The following TSPAN3 variants were observed in gnomAD, a reference collection of about 807,000 sequenced individuals.
The protein encoded by TSPAN3 is tetraspanin-3.
Under a neutral mutation model 31.1 loss-of-function variants are expected in TSPAN3, and 9 were observed. The observed-to-expected ratio is 0.29, with a 90% CI of 0.17 to 0.50. The LOEUF (loss-of-function observed/expected upper bound fraction) is 0.50, where lower values mean the gene tolerates loss of function less well. Among genes scored for constraint, TSPAN3 ranks in the 20% least tolerant of loss-of-function variants. TSPAN3 has a pLI of 0.98. For synonymous variants in TSPAN3, 129 were observed against 114.3 expected, an observed-to-expected ratio of 1.13 and a Z score of -0.82; for missense variants, 252 against 313.5, an observed-to-expected ratio of 0.80 and a Z score of 1.48.
At position 77,054,238 on chromosome 15, in the gene TSPAN3, C is replaced by T; in HGVS notation, c.372G>A (p.Lys124=). 1 of 1,613,838 alleles carries T rather than the reference C, an allele frequency of 6.2e-7. No individual in the cohort carries two copies. Among genetic ancestry groups the T allele is most frequent in the Non-Finnish European group, 8.5e-7 (1 of 1,179,822 alleles). ...CATCAGGGTTGGTTCCATTGTAGGT[C>T]TTATACACTTTCTGAATGCTGCGAT... is the stretch of plus-strand genomic sequence containing the variant. The part of the protein sequence containing the change: ...EVDRSIQKVY[K]TYNGTNPDAA... The change falls in exon 4 of 7, where the codon AAG becomes AAA. Residue 124 remains lysine, a synonymous_variant. Transcript: ENST00000267970.
chr15:77,046,601 A>C lies in TSPAN3; in HGVS notation c.*234T>G, dbSNP rs2076692880. ...ACTCGCAATTGGTTCTGAAATTAGA[A>C]CGTTCACCATCGTACTTAAAATCTT... On this transcript the variant is annotated 3_prime_UTR_variant, in exon 7 of 7. Coordinates refer to ENST00000267970, the MANE Select transcript of TSPAN3 (RefSeq NM_005724.6). The C allele has an allele frequency of 1.9e-6, 1 of 537,428 alleles. No homozygotes were observed. The highest frequency in any genetic ancestry group is 1.9e-5 in the African/African-American group (1 of 52,780). The allele number at this position is 537,428 out of a possible 1,614,324, so 33.3% of individuals were successfully genotyped here.
intron 2 of TSPAN3, 57 bp downstream of exon 2, chr15:77,056,007 G>A: frequency 6.5e-7 from 1 of 1,537,478 alleles, no homozygotes; most frequent in Non-Finnish European, 8.7e-7. Context: ...GGAGTCTCAT[G>A]TTCAAGGAGA....
At chr15:77,059,260 T>G (rs1046817646) in intron 1 of TSPAN3, among the ~76,000 whole-genome samples, 1 of 151,980 alleles carries the variant, frequency 6.6e-6, no homozygotes, top group Non-Finnish European at 1.5e-5. Context: ...TTTTTTGTAT[T>G]TTTAGTGGAG....
In TSPAN3 at chr15:77,041,489, A is replaced by T. The variant is rs1458700696; in HGVS notation, c.*5346T>A. The T allele has an allele frequency of 6.6e-6, 1 of 150,928 alleles. No homozygotes were observed. The highest frequency in any genetic ancestry group is 1.5e-5 in the Non-Finnish European group (1 of 68,008). 9.3% of individuals were successfully genotyped at this position (150,928 alleles called of 1,614,324 possible). A position where few individuals can be genotyped will look rare whatever the true frequency, so the allele number is the denominator to read the frequency against. ...CAACCTCTGCCTCCCGGTTCAAGCG[A>T]TTCTCCTGCCTCAGCCTCCCAAGTA... On this transcript the variant is annotated 3_prime_UTR_variant, in exon 7 of 7. Coordinates refer to ENST00000267970, the MANE Select transcript of TSPAN3 (RefSeq NM_005724.6).
chr15:77,045,209 A>G lies in TSPAN3; in HGVS notation c.*1626T>C, dbSNP rs1259838421. 6.6e-6 allele frequency: 1 copy of G among 152,164 alleles called. No homozygotes were observed. Among genetic ancestry groups the G allele is most frequent in the Non-Finnish European group, 1.5e-5 (1 of 68,070 alleles). 9.4% of individuals were successfully genotyped at this position (152,164 alleles called of 1,614,324 possible). ...GCCAGAAACCTGGGACTCATCCTAG[A>G]TGAGTCTTCTCTTCTCCCTTCTCTG... On this transcript the variant is annotated 3_prime_UTR_variant, in exon 7 of 7. Transcript: ENST00000267970.
intron 3 of TSPAN3, chr15:77,055,055 G>C (rs1330167648): frequency 6.6e-6 from 1 of 152,104 alleles, no homozygotes; most frequent in African/African-American, 2.4e-5. Context: ...CAGCTTTACA[G>C]TACCTTACGT....
At chr15:77,057,495 T>C (rs1038489729) in intron 1 of TSPAN3, among the ~76,000 whole-genome samples, 4 of 152,196 alleles carry the variant, frequency 2.6e-5, no homozygotes, top group Non-Finnish European at 5.9e-5. Context: ...CACTGTCAGA[T>C]GAGGAAGAAA....
In TSPAN3 at chr15:77,056,096, T is replaced by C. The variant is rs776361443; in HGVS notation, c.223A>G (p.Thr75Ala). Reference protein sequence around the residue: ...FIIGLIGCCATIRESRCGLAT... With the variant: ...FIIGLIGCCAAIRESRCGLAT... ...AGTCCACAGCGACTTTCCCGGATTGTGGCACAGCAGCCAATTAGCCCAATG... is the reference window on the plus strand; with the variant it reads ...AGTCCACAGCGACTTTCCCGGATTGCGGCACAGCAGCCAATTAGCCCAATG... Residue 75 changes from threonine (T) to alanine (A), a missense_variant, in exon 2 of 7, where the codon ACA (threonine) becomes GCA (alanine). Thr to Ala is a moderately conservative substitution (Grantham distance 58, BLOSUM62 0). Transcript: ENST00000267970. 6.2e-7 allele frequency: 1 copy of C among 1,611,194 alleles called. No individual in the cohort carries two copies. The highest frequency in any genetic ancestry group is 1.1e-5 in the South Asian group (1 of 90,590).
rs745541471 is a variant in TSPAN3 at position 77,046,830 on chromosome 15, G to A, written c.*5C>T. 6.3e-7 allele frequency: 1 copy of A among 1,583,422 alleles called. No individual in the cohort carries two copies. Among genetic ancestry groups the A allele is most frequent in the Non-Finnish European group, 8.6e-7 (1 of 1,161,134 alleles). On this transcript the variant is annotated 3_prime_UTR_variant, in exon 7 of 7. Transcript: ENST00000267970. ...AGACCAAAAAGCTCAGGCTTGAGTT[G>A]TCAACTATGCATAGGTTCCGCCAGT...
Position 77,061,738 on chromosome 15 carries a change from C to T in TSPAN3, c.64-5483G>A, listed in dbSNP as rs760254671. Among the ~76,000 whole-genome samples the T allele has an allele frequency of 3.3e-5, 5 of 152,132 alleles. No homozygotes were observed. The South Asian group carries it at 1.0e-3, about 32-fold the overall frequency. ...AAAGCATCCCACAGGACATTTTGGG[C>T]GAAGCTGAAGCAAAGAATAGAAGTG... On this transcript the variant is annotated intron_variant, in intron 1 of 6. Coordinates refer to ENST00000267970, the MANE Select transcript of TSPAN3 (RefSeq NM_005724.6).
intron 6 of TSPAN3, among the ~76,000 whole-genome samples, chr15:77,051,455 G>C (rs1400981001): frequency 6.6e-6 from 1 of 151,748 alleles, no homozygotes; most frequent in Non-Finnish European, 1.5e-5. Context: ...TGGAACCTGG[G>C]AGGCAGAGGT....
chr15:77,053,451 CA>C (rs60483848), intron 4 of TSPAN3, among the ~76,000 whole-genome samples: 27 of 50,354 alleles, frequency 5.4e-4, no homozygotes, highest in East Asian at 1.3e-3. Context: ...TTCGCCATCT[CA>C]AAAAAAAAAA....
intron 4 of TSPAN3, among the ~76,000 whole-genome samples, chr15:77,053,875 C>T (rs1203384275): frequency 1.3e-5 from 2 of 152,126 alleles, no homozygotes; most frequent in Non-Finnish European, 2.9e-5. Flanking sequence ...TGGACTCCCA[C>T]CTTTCCTGTG....
chr15:77,066,381 C>G (rs1400153135), intron 1 of TSPAN3, among the ~76,000 whole-genome samples: 2 of 151,848 alleles, frequency 1.3e-5, no homozygotes, highest in East Asian at 3.9e-4. Flanking sequence ...ACCAGCCTGG[C>G]CAATATGGTG....
rs955771034 is a variant in TSPAN3 at position 77,067,122 on chromosome 15, C to T, written c.63+3770G>A. Among the ~76,000 whole-genome samples, 3 of 152,134 alleles carry T rather than the reference C, an allele frequency of 2.0e-5. No individual in the cohort carries two copies. The East Asian group carries it at 5.8e-4, about 29-fold the overall frequency. ...ATGACCCAATCACCTCTTAAAGGCC[C>T]CATCTCTCAATACGGCCACATTGGG... On this transcript the variant is annotated intron_variant, in intron 1 of 6. Transcript: ENST00000267970.
At chr15:77,057,168 C>A (rs1046726235) in intron 1 of TSPAN3, among the ~76,000 whole-genome samples, 4 of 152,252 alleles carry the variant, frequency 2.6e-5, no homozygotes, top group African/African-American at 9.6e-5. Flanking sequence ...GGTACCAGCT[C>A]TGTGCTGACA....
intron 6 of TSPAN3, among the ~76,000 whole-genome samples, chr15:77,049,539 A>T (rs2076715829): frequency 6.6e-6 from 1 of 152,236 alleles, no homozygotes; most frequent in African/African-American, 2.4e-5. Context: ...TTCATAATTG[A>T]TCATGAGTTA....
intron 1 of TSPAN3, chr15:77,067,997 T>G (rs2076843504): frequency 1.3e-5 from 2 of 152,202 alleles, no homozygotes; most frequent in Admixed American, 1.3e-4. Flanking sequence ...TCCTCTAAAA[T>G]GTACCTAATA....
At chr15:77,067,172 T>C (rs34443712) in intron 1 of TSPAN3, among the ~76,000 whole-genome samples, 1 of 151,980 alleles carries the variant, frequency 6.6e-6, no homozygotes, top group Admixed American at 6.5e-5. Context: ...ATGAGTTTTA[T>C]AAAGGACAAA....
Sources: allele counts gnomAD v4.1 joint callset (sites outside exome capture counted in the v4.1 genomes callset), GRCh38; gene constraint gnomAD v4.1.1; transcripts MANE v1.5; gene names NCBI Gene and HGNC (gene_info 2026-07-23, HGNC 2026-07-21).